The following SETBP1 variants were observed in gnomAD, a reference collection of about 807,000 sequenced individuals.
The protein encoded by SETBP1 is SET-binding protein.
In SETBP1, 9 loss-of-function variants were observed where a neutral mutation model predicts 101.0. That is an observed-to-expected ratio of 0.09 (90% confidence interval 0.05 to 0.16). The LOEUF (loss-of-function observed/expected upper bound fraction) is 0.16, where lower values mean the gene tolerates loss of function less well. SETBP1 is among the 10% of genes least tolerant of loss of function. SETBP1 has a pLI of 1.00. For missense variants in SETBP1, 1,858 were observed against 2,033.8 expected (o/e 0.91, Z 1.66); for synonymous variants, 818 against 788.5 (o/e 1.04, Z -0.63).
intron 5 of SETBP1, among the ~76,000 whole-genome samples, chr18:45,049,080 C>G (rs1263081594): frequency 6.7e-6 from 1 of 150,328 alleles, no homozygotes; most frequent in Non-Finnish European, 1.5e-5. Context: ...ATGAGATGAC[C>G]AAATAGTATT....
At chr18:44,718,671 T>C (rs548675028) in intron 2 of SETBP1, among the ~76,000 whole-genome samples, 1 of 152,310 alleles carries the variant, frequency 6.6e-6, no homozygotes, top group East Asian at 1.9e-4. Flanking sequence ...GTGGGTATTG[T>C]CCCTCAGATG....
intron 5 of SETBP1, among the ~76,000 whole-genome samples, chr18:45,059,566 A>G (rs1476349007): frequency 3.3e-5 from 5 of 152,190 alleles, no homozygotes; most frequent in Admixed American, 2.0e-4. Flanking sequence ...TCCACAATTT[A>G]CTGAATGAAT....
chr18:44,776,645 G>C (rs2071010607), intron 2 of SETBP1, among the ~76,000 whole-genome samples: 1 of 152,128 alleles, frequency 6.6e-6, no homozygotes, highest in African/African-American at 2.4e-5. Flanking sequence ...TATCCTTTAT[G>C]CCTAAAGAAG....
chr18:44,914,495 G>T (rs182853412), intron 3 of SETBP1, among the ~76,000 whole-genome samples: 1 of 152,346 alleles, frequency 6.6e-6, no homozygotes, highest in Non-Finnish European at 1.5e-5. Flanking sequence ...TTCTCTGTAT[G>T]ACAGGCAAAG....
chr18:44,710,285 T>A (rs1384772617), intron 2 of SETBP1, among the ~76,000 whole-genome samples: 1 of 152,104 alleles, frequency 6.6e-6, no homozygotes, highest in African/African-American at 2.4e-5. Context: ...GCTTGTTTAT[T>A]AGACACAAGT....
intron 2 of SETBP1, among the ~76,000 whole-genome samples, chr18:44,762,789 A>T (rs555149810): frequency 6.6e-6 from 1 of 152,346 alleles, no homozygotes; most frequent in South Asian, 2.1e-4. Context: ...TTCTAAAGTG[A>T]ATCTAAGTGT....
At chr18:44,845,101 T>G (rs2072698724) in intron 2 of SETBP1, among the ~76,000 whole-genome samples, 1 of 152,214 alleles carries the variant, frequency 6.6e-6, no homozygotes, top group South Asian at 2.1e-4. Flanking sequence ...ATGGGGTGAT[T>G]GCCAGAGTTC....
At chr18:44,846,568 T>C (rs2072729201) in intron 2 of SETBP1, among the ~76,000 whole-genome samples, 1 of 152,148 alleles carries the variant, frequency 6.6e-6, no homozygotes, top group Non-Finnish European at 1.5e-5. Flanking sequence ...CCTTATATGT[T>C]AAAAAAGAAT....
intron 2 of SETBP1, among the ~76,000 whole-genome samples, chr18:44,749,345 C>T (rs550577499): frequency 6.6e-6 from 1 of 152,254 alleles, no homozygotes. Context: ...CCAGAGTGTG[C>T]CTCCAATTCT....
intron 2 of SETBP1, among the ~76,000 whole-genome samples, chr18:44,839,256 G>C (rs2072563408): frequency 6.6e-6 from 1 of 152,164 alleles, no homozygotes. Flanking sequence ...GTGGGATCAG[G>C]GTGAAGAGCC....
At position 44,875,439 on chromosome 18, in the gene SETBP1, A is replaced by T. The variant is rs558613039; in HGVS notation, c.540+6156A>T. The stretch of plus-strand genomic sequence containing the variant: ...AGAGTGAGGTAGGAGAATAGCTTGA[A>T]CCCAGAAGGAGGAGGTTGCCGAGAT... On this transcript the variant is annotated intron_variant, in intron 3 of 5. Coordinates refer to ENST00000649279, the MANE Select transcript of SETBP1 (RefSeq NM_015559.3). 2.7e-5 allele frequency among the ~76,000 whole-genome samples: 4 copies of T among 147,396 alleles called. No homozygotes were observed. The South Asian group carries it at 8.9e-4, about 33-fold the overall frequency.
rs200258910 is a variant in SETBP1 at position 45,030,446 on chromosome 18, C to T, written c.4001-8039C>T. On this transcript the variant is annotated intron_variant, in intron 4 of 5. Transcript: ENST00000649279. ...TATTGAGGATTTTTGCATCAATGTT[C>T]ATCAAGGATATTGGTCTAAAATTCT... Among the ~76,000 whole-genome samples, 746 of 130,232 alleles carry T rather than the reference C, an allele frequency of 5.7e-3. 31 individuals are homozygous for T. In the East Asian group the frequency reaches 0.067, roughly 12 times the overall value. The allele number at this position is 130,232 out of a possible 152,430, so 85.4% of individuals were successfully genotyped here. A position where few individuals can be genotyped will look rare whatever the true frequency, so the allele number is the denominator to read the frequency against.
chr18:45,066,752 AAAC>A lies in SETBP1; in HGVS notation c.*3055_*3057del, dbSNP rs1417284404. On this transcript the variant is annotated 3_prime_UTR_variant, in exon 6 of 6. Transcript: ENST00000649279. ...TTCACAAAATATTTCATTATAAGAG[AAAC>A]CCCTTGATTTTTATTTCTTTTTCTT... is the stretch of plus-strand genomic sequence containing the variant. 1 of 151,660 alleles carries A rather than the reference AAAC, an allele frequency of 6.6e-6. No homozygotes were observed. Among genetic ancestry groups the A allele is most frequent in the African/African-American group, 2.4e-5 (1 of 41,218 alleles). 9.4% of individuals were successfully genotyped at this position (151,660 alleles called of 1,614,324 possible).
intron 3 of SETBP1, among the ~76,000 whole-genome samples, chr18:44,888,577 C>A (rs112993346): frequency 6.6e-6 from 1 of 152,078 alleles, no homozygotes; most frequent in Non-Finnish European, 1.5e-5. Flanking sequence ...TCACAATCAG[C>A]CTGTTCATTT....
chr18:44,774,960 T>G (rs1599108724), intron 2 of SETBP1, among the ~76,000 whole-genome samples: 1 of 152,096 alleles, frequency 6.6e-6, no homozygotes, highest in African/African-American at 2.4e-5. Flanking sequence ...TTTGATATAA[T>G]GCTTTGGAGC....
chr18:44,887,909 C>T (rs1351229210), intron 3 of SETBP1, among the ~76,000 whole-genome samples: 1 of 152,082 alleles, frequency 6.6e-6, no homozygotes. Context: ...TTGTAAATAC[C>T]TGGAACCCAG....
chr18:44,847,073 T>C (rs1271951038), intron 2 of SETBP1, among the ~76,000 whole-genome samples: 1 of 152,060 alleles, frequency 6.6e-6, no homozygotes, highest in African/African-American at 2.4e-5. Flanking sequence ...TAGAATGATA[T>C]TAGATAGAGG....
chr18:44,910,950 G>A (rs1357206959), intron 3 of SETBP1, among the ~76,000 whole-genome samples: 1 of 152,144 alleles, frequency 6.6e-6, no homozygotes, highest in African/African-American at 2.4e-5. Context: ...GAAGGTGAAG[G>A]CCAGGGAAAT....
chr18:44,886,254 CT>C (rs2069645311), intron 3 of SETBP1, among the ~76,000 whole-genome samples: 1 of 152,230 alleles, frequency 6.6e-6, no homozygotes. Context: ...CCTCAGAAGC[CT>C]TCCAGCCTCT....
Sources: allele counts gnomAD v4.1 joint callset (sites outside exome capture counted in the v4.1 genomes callset), GRCh38; gene constraint gnomAD v4.1.1; transcripts MANE v1.5; gene names NCBI Gene and HGNC (gene_info 2026-07-23, HGNC 2026-07-21).